The following ADGRF1 variants were observed in gnomAD, a reference collection of about 807,000 sequenced individuals.
ADGRF1 encodes adhesion G protein-coupled receptor F1, also known as G protein-coupled receptor 110.
A neutral mutation model predicts 87.2 loss-of-function variants in ADGRF1; 85 were observed. The ratio of observed to expected loss-of-function variants is 0.97; its 90% CI spans 0.82 to 1.17. The LOEUF (loss-of-function observed/expected upper bound fraction) is 1.17, where lower values mean the gene tolerates loss of function less well. Among genes scored for constraint, ADGRF1 ranks in the 50% most tolerant of loss-of-function variants. ADGRF1 has a pLI of 0.00. For missense variants in ADGRF1, 1,169 were observed against 1,077.2 expected (o/e 1.09, Z -1.19); for synonymous variants, 430 against 408.8 (o/e 1.05, Z -0.63).
intron 5 of ADGRF1, among the ~76,000 whole-genome samples, chr6:47,023,491 T>A (rs1279113687): frequency 6.6e-6 from 1 of 152,226 alleles, no homozygotes; most frequent in Non-Finnish European, 1.5e-5. Flanking sequence ...TCACCTTTCA[T>A]TGAACATAAA....
chr6:47,030,732 T>C (rs6927381), intron 1 of ADGRF1, among the ~76,000 whole-genome samples: 2,789 of 152,044 alleles, frequency 0.018, 84 homozygotes, highest in African/African-American at 0.063. Context: ...AGAGTGGGGG[T>C]TGTGCCCCTT....
chr6:47,009,777 T>C lies in ADGRF1; in HGVS notation c.1658A>G (p.Asn553Ser). ...QWNDAGCHLV[N>S]ETQDIVTCQC... is the part of the protein sequence containing the mutation. Reference sequence around the variant, plus strand: ...GCACGTCACGATGTCTTGAGTTTCATTCACTAGGTGGCAGCCTGCATCGTT... The same window carrying C: ...GCACGTCACGATGTCTTGAGTTTCACTCACTAGGTGGCAGCCTGCATCGTT... Residue 553 changes from asparagine (N) to serine (S), a missense_variant, in exon 11 of 15, where the codon AAT becomes AGT. Transcript: ENST00000371253. 12 of 1,614,162 alleles carry C rather than the reference T, an allele frequency of 7.4e-6. No individual in the cohort carries two copies. Among genetic ancestry groups the C allele is most frequent in the Non-Finnish European group, 1.0e-5 (12 of 1,180,022 alleles).
At chr6:47,023,106 T>G (rs1421406859) in intron 5 of ADGRF1, among the ~76,000 whole-genome samples, 1 of 152,208 alleles carries the variant, frequency 6.6e-6, no homozygotes, top group African/African-American at 2.4e-5. Flanking sequence ...TAAGCCACTG[T>G]GCCCATCTTT....
intron 1 of ADGRF1, among the ~76,000 whole-genome samples, chr6:47,030,771 C>T (rs6904936): frequency 0.14 from 20,518 of 150,926 alleles, 3,472 homozygotes; most frequent in African/African-American, 0.39. Flanking sequence ...TTTCTTCACT[C>T]TTTTTTTTTG....
chr6:47,019,356 G>T lies in ADGRF1; in HGVS notation c.611+1375C>A, dbSNP rs1779970536. ...TGTATGACTTAAAGGATAATGCCCA[G>T]AACAACATGTTTATAGCAAATGCTG... On this transcript the variant is annotated intron_variant, in intron 7 of 14. Coordinates refer to ENST00000371253, the MANE Select transcript of ADGRF1 (RefSeq NM_153840.4). 3 of 985,064 alleles carry T rather than the reference G, an allele frequency of 3.0e-6. No individual in the cohort carries two copies. The South Asian group carries it at 1.4e-4, about 46-fold the overall frequency. The allele number at this position is 985,064 out of a possible 1,614,324, so 61.0% of individuals were successfully genotyped here. A position where few individuals can be genotyped will look rare whatever the true frequency, so the allele number is the denominator to read the frequency against.
intron 1 of ADGRF1, among the ~76,000 whole-genome samples, chr6:47,032,650 C>A (rs1471705268): frequency 2.0e-5 from 3 of 152,154 alleles, no homozygotes; most frequent in Non-Finnish European, 4.4e-5. Flanking sequence ...TTGGTTTAGT[C>A]ATCAAGAATA....
At position 47,026,003 on chromosome 6, in the gene ADGRF1, C is replaced by G. The variant is rs529990841; in HGVS notation, c.128G>C (p.Gly43Ala). The G allele has an allele frequency of 1.3e-6, 2 of 1,571,670 alleles. No individual in the cohort carries two copies. The highest frequency in any genetic ancestry group is 1.4e-5 in the African/African-American group (1 of 71,818). ...ELIVNKKKHLGPVEEYQLLLQ... is the reference protein window; with the variant it reads ...ELIVNKKKHLAPVEEYQLLLQ... ...CAGCAGCTGATATTCTTCGACTGGG[C>G]CTAAAGAGAGAAAGAGAGTCAGAAA... is the stretch of plus-strand genomic sequence containing the variant. The change falls in exon 4 of 15, where the codon GGC becomes GCC. Residue 43 changes from glycine to alanine, a missense_variant and splice_region_variant. By Grantham distance (60) the Gly-to-Ala change is moderately conservative. Coordinates refer to ENST00000371253, the MANE Select transcript of ADGRF1 (RefSeq NM_153840.4).
Position 47,007,226 on chromosome 6 carries a change from G to A in ADGRF1, c.2532+27C>T, listed in dbSNP as rs1280003127. The A allele has an allele frequency of 7.5e-6, 11 of 1,473,378 alleles. No individual in the cohort carries two copies. The East Asian group carries it at 2.5e-4, about 34-fold the overall frequency. 91.3% of individuals were successfully genotyped at this position (1,473,378 alleles called of 1,614,324 possible). Reference sequence around the variant, plus strand: ...GGGGCCTAAGATGTCTAGGCTAGGGGTTAATGAGAGAAATAAATACACATA... The same window carrying A: ...GGGGCCTAAGATGTCTAGGCTAGGGATTAATGAGAGAAATAAATACACATA... On this transcript the variant is annotated intron_variant, in intron 12 of 14. Coordinates refer to ENST00000371253, the MANE Select transcript of ADGRF1 (RefSeq NM_153840.4).
intron 9 of ADGRF1, chr6:47,014,341 C>A: frequency 9.7e-7 from 1 of 1,030,802 alleles, no homozygotes; most frequent in East Asian, 9.0e-5. Context: ...CTTCACTCTT[C>A]TCTTTAATTC....
chr6:47,002,947 T>C (rs1199809522), intron 13 of ADGRF1, among the ~76,000 whole-genome samples: 2 of 152,116 alleles, frequency 1.3e-5, no homozygotes, highest in Non-Finnish European at 2.9e-5. Context: ...CCTACTTTAC[T>C]CCTCCTTTAG....
At chr6:47,011,943 T>G (rs1779718798) in intron 10 of ADGRF1, 64 bp downstream of exon 10, 2 of 1,459,960 alleles carry the variant, frequency 1.4e-6, no homozygotes, top group Non-Finnish European at 1.9e-6. Context: ...TATTTAAGGC[T>G]TTGTCATTCC....
Position 46,997,736 on chromosome 6 carries a change from T to A in ADGRF1, c.*2486A>T, listed in dbSNP as rs1043677077. 1.3e-5 allele frequency: 2 copies of A among 152,214 alleles called. No homozygotes were observed. Among genetic ancestry groups the A allele is most frequent in the African/African-American group, 4.8e-5 (2 of 41,450 alleles). 9.4% of individuals were successfully genotyped at this position (152,214 alleles called of 1,614,324 possible). A position where few individuals can be genotyped will look rare whatever the true frequency, so the allele number is the denominator to read the frequency against. ...ACTTTTTCATTATTTTATTGTTGTT[T>A]TAGTAGCATTTTGAGGTGAATGTAT... On this transcript the variant is annotated 3_prime_UTR_variant, in exon 15 of 15. Transcript: ENST00000371253.
rs751786287 is a variant in ADGRF1 at position 47,025,839 on chromosome 6, C to T, written c.277+15G>A. ...CTTCCCCATTTATACATCCAGTCAC[C>T]GAGAGCCACCTTACCTGTGGTAGCC... On this transcript the variant is annotated intron_variant, in intron 4 of 14. Transcript: ENST00000371253. 5.1e-6 allele frequency: 8 copies of T among 1,567,766 alleles called. No homozygotes were observed. Among genetic ancestry groups the T allele is most frequent in the African/African-American group, 2.7e-5 (2 of 73,512 alleles).
At chr6:47,013,720 T>A (rs1779775657) in intron 9 of ADGRF1, 5 of 922,142 alleles carry the variant, frequency 5.4e-6, no homozygotes, top group Non-Finnish European at 6.5e-6. Flanking sequence ...TAATTCCCAA[T>A]GTTGGAGGTG....
In ADGRF1 at chr6:47,020,089, T is replaced by C. The variant is rs140853900; in HGVS notation, c.611+642A>G. 4.5e-5 allele frequency: 46 copies of C among 1,013,886 alleles called. 2 individuals are homozygous for C. The East Asian group carries it at 3.8e-3, about 84-fold the overall frequency. The allele number at this position is 1,013,886 out of a possible 1,614,324, so 62.8% of individuals were successfully genotyped here. A position where few individuals can be genotyped will look rare whatever the true frequency, so the allele number is the denominator to read the frequency against. On this transcript the variant is annotated intron_variant, in intron 7 of 14. Transcript: ENST00000371253. The stretch of plus-strand genomic sequence containing the variant: ...CAACCCTTATCCCCAACCCTCACTT[T>C]TTCCCATCCACTGTCACCATGATCT...
chr6:47,013,761 G>T, intron 9 of ADGRF1: 1 of 559,302 alleles, frequency 1.8e-6, no homozygotes, highest in Non-Finnish European at 2.3e-6. Context: ...GGATCATGGA[G>T]GTGGTTTCTA....
chr6:47,009,099 C>G lies in ADGRF1; in HGVS notation c.2336G>C (p.Ser779Thr). The change falls in exon 11 of 15, where the codon AGT (serine) becomes ACT (threonine). Residue 779 changes from serine (S) to threonine (T), a missense_variant. Transcript: ENST00000371253. ...GATGATGGTGGCCTTGTCATCCCGA[C>G]TCAGTCTTTCCCCAACAGTCGGCCT... Reference protein sequence around the residue: ...LWRPTVGERLSRDDKATIIRV... With the variant: ...LWRPTVGERLTRDDKATIIRV... The G allele has an allele frequency of 6.2e-7, 1 of 1,614,116 alleles. No homozygotes were observed. Among genetic ancestry groups the G allele is most frequent in the Non-Finnish European group, 8.5e-7 (1 of 1,180,014 alleles).
chr6:47,031,270 T>TTC (rs375425604), intron 1 of ADGRF1, among the ~76,000 whole-genome samples: 2,209 of 146,024 alleles, frequency 0.015, 38 homozygotes, highest in South Asian at 0.074. Context: ...TCTCTCTCTC[T>TTC]TCTCTCTCTC....
chr6:47,036,233 A>C (rs369672777), intron 1 of ADGRF1, among the ~76,000 whole-genome samples: 19 of 152,128 alleles, frequency 1.2e-4, no homozygotes, highest in African/African-American at 3.9e-4. Context: ...CTGTCTCAAA[A>C]ACAGAACAAA....
Sources: allele counts gnomAD v4.1 joint callset (sites outside exome capture counted in the v4.1 genomes callset), GRCh38; gene constraint gnomAD v4.1.1; transcripts MANE v1.5; gene names NCBI Gene and HGNC (gene_info 2026-07-23, HGNC 2026-07-21).